The following VPS13B variants were observed in gnomAD, a reference collection of about 807,000 sequenced individuals.
VPS13B encodes the protein intermembrane lipid transfer protein VPS13B.
In VPS13B, 285 loss-of-function variants were observed where a neutral mutation model predicts 426.4. The observed-to-expected ratio is 0.67, with a 90% confidence interval of 0.61 to 0.74. The LOEUF (loss-of-function observed/expected upper bound fraction) is 0.74, where lower values mean the gene tolerates loss of function less well. VPS13B is among the 30% of genes least tolerant of loss of function. The pLI is 0.00. For missense variants in VPS13B, 4,537 were observed against 4,782.6 expected (o/e 0.95, Z 1.51); for synonymous variants, 1,676 against 1,676.4 (o/e 1.00, Z 0.01).
In VPS13B at chr8:99,681,257, A is replaced by T. The variant is rs867816313; in HGVS notation, c.6047-18268A>T. ...GGTGGACCTGGTACTTTTGAAAGGA[A>T]TACCTGGTATTACAATATAGCCTAA... On this transcript the variant is annotated intron_variant, in intron 35 of 61. Transcript: ENST00000357162. 8.5e-5 allele frequency among the ~76,000 whole-genome samples: 13 copies of T among 152,306 alleles called. No individual in the cohort carries two copies. In the South Asian group the frequency reaches 1.2e-3, roughly 15 times the overall value.
intron 22 of VPS13B, among the ~76,000 whole-genome samples, chr8:99,437,833 T>A (rs1196090637): frequency 6.6e-6 from 1 of 152,170 alleles, no homozygotes; most frequent in Non-Finnish European, 1.5e-5. Context: ...TAACAAAGAT[T>A]CTATTAAAGC....
chr8:99,717,182 G>C lies in VPS13B; in HGVS notation c.6466G>C (p.Gly2156Arg). The C allele has an allele frequency of 6.2e-7, 1 of 1,612,592 alleles. No homozygotes were observed. The highest frequency in any genetic ancestry group is 8.5e-7 in the Non-Finnish European group (1 of 1,179,138). ...TATTTTTTTTTCAGGCATAATTCTT[G>C]GGTCATCATTTCTACTCAGTATAAA... ...ATQKVPGIIL[G>R]SSFLLSINDF... Residue 2156 changes from glycine to arginine, a missense_variant, in exon 37 of 62, where the codon GGG becomes CGG. Coordinates refer to ENST00000357162, the MANE Select transcript of VPS13B (RefSeq NM_152564.5).
chr8:99,539,029 A>T (rs145448181), intron 30 of VPS13B, among the ~76,000 whole-genome samples: 2 of 152,322 alleles, frequency 1.3e-5, no homozygotes, highest in African/African-American at 4.8e-5. Flanking sequence ...ATTTTATTCC[A>T]TAAGAAAGTA....
Position 99,575,641 on chromosome 8 carries a change from TTTACTC to T in VPS13B, c.4950-15_4950-10del, listed in dbSNP as rs773806760. The T allele has an allele frequency of 1.9e-6, 3 of 1,613,572 alleles. No homozygotes were observed. The South Asian group carries it at 3.3e-5, about 18-fold the overall frequency. Reference sequence around the variant, plus strand: ...AAAATAATGAAATGGCTAATAATCTTTTACTCTATCTTTTAGCATACGGCGGCATCA... The same window carrying T: ...AAAATAATGAAATGGCTAATAATCTTTATCTTTTAGCATACGGCGGCATCA... On this transcript the variant is annotated splice_polypyrimidine_tract_variant and intron_variant, in intron 31 of 61. Coordinates refer to ENST00000357162, the MANE Select transcript of VPS13B (RefSeq NM_152564.5).
Position 99,053,411 on chromosome 8 carries a change from C to T in VPS13B, c.291+14845C>T, listed in dbSNP as rs767948647. ...CGGTTTTTTTGGTTTTTTGTCCTTG[C>T]GATAGTTTGCTGAGAATGATGGTTT... On this transcript the variant is annotated intron_variant, in intron 3 of 61. Transcript: ENST00000357162. Among the ~76,000 whole-genome samples the T allele has an allele frequency of 9.9e-5, 15 of 152,052 alleles. No homozygotes were observed. In the East Asian group the frequency reaches 1.9e-3, roughly 20 times the overall value.
chr8:99,742,738 C>T (rs985912170), intron 39 of VPS13B, among the ~76,000 whole-genome samples: 2 of 152,154 alleles, frequency 1.3e-5, no homozygotes, highest in Admixed American at 1.3e-4. Context: ...ATGATTATCT[C>T]AATAGATGCA....
intron 39 of VPS13B, among the ~76,000 whole-genome samples, chr8:99,724,325 A>C (rs943861231): frequency 6.6e-6 from 1 of 152,048 alleles, no homozygotes; most frequent in African/African-American, 2.4e-5. Context: ...ATCTAATTTC[A>C]TCTGTTGTCA....
intron 17 of VPS13B, among the ~76,000 whole-genome samples, chr8:99,272,639 G>C (rs1216631101): frequency 6.6e-6 from 1 of 151,962 alleles, no homozygotes; most frequent in African/African-American, 2.4e-5. Context: ...TCAAAATGAG[G>C]TTCTCCCTTT....
chr8:99,396,084 G>A (rs1814712475), intron 21 of VPS13B, among the ~76,000 whole-genome samples: 1 of 152,096 alleles, frequency 6.6e-6, no homozygotes, highest in Non-Finnish European at 1.5e-5. Flanking sequence ...AATGTACAGA[G>A]CCTTATCGAA....
intron 33 of VPS13B, among the ~76,000 whole-genome samples, chr8:99,626,195 A>T (rs1828605887): frequency 6.6e-6 from 1 of 152,258 alleles, no homozygotes; most frequent in South Asian, 2.1e-4. Context: ...AGCAACCTGT[A>T]TCCATCAACT....
chr8:99,876,949 GGGCTCAAGT>G lies in VPS13B; in HGVS notation c.*1285_*1293del, dbSNP rs1588822020. ...TCACTGCAGCTTAAGCTCACTGCCT[GGGCTCAAGT>G]GATCTTACTCCAGCCTCCCAAGCAG... On this transcript the variant is annotated 3_prime_UTR_variant, in exon 62 of 62. Transcript: ENST00000357162. 1 of 152,160 alleles carries G rather than the reference GGGCTCAAGT, an allele frequency of 6.6e-6. No homozygotes were observed. The highest frequency in any genetic ancestry group is 1.5e-5 in the Non-Finnish European group (1 of 68,052). 9.4% of individuals were successfully genotyped at this position (152,160 alleles called of 1,614,324 possible).
chr8:99,347,759 G>A (rs1811619602), intron 19 of VPS13B: 1 of 152,200 alleles, frequency 6.6e-6, no homozygotes, highest in Admixed American at 6.5e-5. Flanking sequence ...CCACTATTGA[G>A]GTGTGGGAGT....
At chr8:99,691,761 A>C (rs1831676686) in intron 35 of VPS13B, among the ~76,000 whole-genome samples, 1 of 147,044 alleles carries the variant, frequency 6.8e-6, no homozygotes, top group Admixed American at 6.9e-5. Flanking sequence ...TTGGATAAAG[A>C]GTCAAGACCC....
In VPS13B at chr8:99,876,017, T is replaced by C; in HGVS notation, c.*351T>C. ...ACAATGATTAACAGGGCCCTATATGTTCTTACCACATACAGAGGATGCATT... is the reference window on the plus strand; with the variant it reads ...ACAATGATTAACAGGGCCCTATATGCTCTTACCACATACAGAGGATGCATT... On this transcript the variant is annotated 3_prime_UTR_variant, in exon 62 of 62. Coordinates refer to ENST00000357162, the MANE Select transcript of VPS13B (RefSeq NM_152564.5). 3.2e-6 allele frequency: 1 copy of C among 316,094 alleles called. No individual in the cohort carries two copies. The highest frequency in any genetic ancestry group is 6.0e-6 in the Non-Finnish European group (1 of 166,624). 19.6% of individuals were successfully genotyped at this position (316,094 alleles called of 1,614,324 possible).
intron 30 of VPS13B, among the ~76,000 whole-genome samples, chr8:99,539,596 A>G (rs1823450390): frequency 6.6e-6 from 1 of 152,062 alleles, no homozygotes. Flanking sequence ...AAATTAAAAC[A>G]TTAGCCAGGT....
chr8:99,420,271 T>G (rs1264823023), intron 21 of VPS13B, among the ~76,000 whole-genome samples: 1 of 152,162 alleles, frequency 6.6e-6, no homozygotes, highest in African/African-American at 2.4e-5. Context: ...AGCCATTTGA[T>G]ATCAAGTGTC....
chr8:99,875,346 C>G (rs1817647346), intron 61 of VPS13B, 72 bp from the exon 62 acceptor site: 1 of 1,602,698 alleles, frequency 6.2e-7, no homozygotes, highest in Non-Finnish European at 8.5e-7. Context: ...TATATCGAGG[C>G]AAAAGAACTA....
At chr8:99,193,591 A>G (rs935072478) in intron 17 of VPS13B, among the ~76,000 whole-genome samples, 8 of 152,292 alleles carry the variant, frequency 5.3e-5, no homozygotes, top group Admixed American at 5.2e-4. Flanking sequence ...AAAAAATTAT[A>G]GAAGCTTTTT....
At chr8:99,839,221 G>T (rs768327235) in intron 54 of VPS13B, among the ~76,000 whole-genome samples, 1 of 152,166 alleles carries the variant, frequency 6.6e-6, no homozygotes, top group Non-Finnish European at 1.5e-5. Flanking sequence ...GCAGACATTC[G>T]TAGTCGGGTC....
Sources: gnomAD v4.1 joint callset for allele counts (sites outside exome capture counted in the v4.1 genomes callset) on GRCh38, gnomAD v4.1.1 for gene constraint, MANE v1.5 for transcripts, NCBI Gene and HGNC (gene_info 2026-07-23, HGNC 2026-07-21) for gene names.